The following CNTLN variants were observed in gnomAD, a reference collection of about 807,000 sequenced individuals.
CNTLN encodes the protein centlein, centrosomal protein.
A neutral mutation model predicts 180.0 loss-of-function variants in CNTLN; 212 were observed. The ratio of observed to expected loss-of-function variants is 1.18; its 90% CI spans 1.05 to 1.32. The LOEUF (loss-of-function observed/expected upper bound fraction) is 1.32, where lower values mean the gene tolerates loss of function less well. CNTLN is among the 40% of genes most tolerant of loss of function. The probability of loss-of-function intolerance (pLI) is 0.00; values close to 1 mark genes in which losing one functional copy is unlikely to be tolerated. For missense variants in CNTLN, 2,095 were observed against 1,610.9 expected, an observed-to-expected ratio of 1.30 and a Z score of -5.14; for synonymous variants, 722 against 563.1, an observed-to-expected ratio of 1.28 and a Z score of -3.99.
At chr9:17,381,787 C>G (rs932083819) in intron 13 of CNTLN, among the ~76,000 whole-genome samples, 1 of 152,188 alleles carries the variant, frequency 6.6e-6, no homozygotes, top group Non-Finnish European at 1.5e-5. Flanking sequence ...AGTGCTTCAC[C>G]TTGAGGCAAT....
intron 13 of CNTLN, among the ~76,000 whole-genome samples, chr9:17,376,455 T>A (rs10963071): frequency 0.56 from 84,707 of 150,942 alleles, 24,221 homozygotes; most frequent in East Asian, 0.73. Flanking sequence ...TTAAATTTTT[T>A]AATTTTTTTT....
At chr9:17,204,797 TC>T (rs1036244880) in intron 2 of CNTLN, among the ~76,000 whole-genome samples, 5 of 152,052 alleles carry the variant, frequency 3.3e-5, no homozygotes, top group African/African-American at 1.2e-4. Context: ...CAGCCGCCCC[TC>T]CCCCCAGGTG....
At chr9:17,138,752 T>G (rs555953397) in intron 1 of CNTLN, among the ~76,000 whole-genome samples, 1 of 152,344 alleles carries the variant, frequency 6.6e-6, no homozygotes, top group South Asian at 2.1e-4. Flanking sequence ...TTCAAGTGTT[T>G]GTTGAGTTCA....
At chr9:17,175,402 C>T (rs928959514) in intron 2 of CNTLN, among the ~76,000 whole-genome samples, 5 of 152,110 alleles carry the variant, frequency 3.3e-5, no homozygotes, top group Non-Finnish European at 5.9e-5. Context: ...TTAAAAGTAT[C>T]GTCCTCTTCC....
Position 17,457,649 on chromosome 9 carries a change from A to C in CNTLN, c.3240A>C (p.Gln1080His), listed in dbSNP as rs1276413744. The C allele has an allele frequency of 1.3e-6, 2 of 1,547,194 alleles. No homozygotes were observed. Among genetic ancestry groups the C allele is most frequent in the Non-Finnish European group, 1.7e-6 (2 of 1,144,210 alleles). The change falls in exon 19 of 26, where the codon CAA (glutamine) becomes CAC (histidine). Residue 1080 changes from glutamine to histidine, a missense_variant. By Grantham distance (24) the Gln-to-His change is conservative (BLOSUM62 0). Transcript: ENST00000380647. The part of the protein sequence containing the change: ...ENSQVTFPRI[Q>H]VTSLSPSRSM... ...CCCAGGTAACATTTCCACGGATACA[A>C]GTTACATCACTTAGTCCTTCAAGGA...
chr9:17,372,723 A>G (rs901035617), intron 13 of CNTLN, among the ~76,000 whole-genome samples: 8 of 152,060 alleles, frequency 5.3e-5, no homozygotes, highest in South Asian at 2.1e-4. Flanking sequence ...TGCAGAAAAA[A>G]CCTCTGCAAG....
rs1563982265 is a variant in CNTLN, at chr9:17,309,176, TA to T, written c.1269del (p.Glu424LysfsTer34). 6.2e-7 allele frequency: 1 copy of T among 1,610,376 alleles called. No individual in the cohort carries two copies. The highest frequency in any genetic ancestry group is 1.7e-5 in the Admixed American group (1 of 59,810). ...CAAAAAGAGCAAGAAAATGCTAAGT[TA>T]AAAGAAAAACTTCAGGAATCACAGG... ...LLQKEQENAK[L>X]KEKLQESQGA... On this transcript the variant is annotated frameshift_variant, in exon 8 of 26. Coordinates refer to ENST00000380647, the MANE Select transcript of CNTLN (RefSeq NM_017738.4). LOFTEE classifies it high-confidence loss of function.
intron 16 of CNTLN, among the ~76,000 whole-genome samples, chr9:17,410,506 C>G (rs1209622620): frequency 2.0e-5 from 3 of 152,074 alleles, no homozygotes; most frequent in Non-Finnish European, 2.9e-5. Context: ...TCTTTTCTCA[C>G]TGGAGTCTTC....
intron 8 of CNTLN, among the ~76,000 whole-genome samples, chr9:17,316,795 A>G (rs1408553243): frequency 1.3e-5 from 2 of 151,696 alleles, no homozygotes; most frequent in Non-Finnish European, 2.9e-5. Flanking sequence ...TTTACTATAT[A>G]TTTTTCAGTT....
intron 18 of CNTLN, among the ~76,000 whole-genome samples, chr9:17,456,107 G>C (rs2134148205): frequency 6.6e-6 from 1 of 152,242 alleles, no homozygotes; most frequent in East Asian, 1.9e-4. Flanking sequence ...GAATGAAAAT[G>C]AGAAACACTG....
intron 7 of CNTLN, among the ~76,000 whole-genome samples, chr9:17,306,534 A>C (rs1818729056): frequency 6.6e-6 from 1 of 152,216 alleles, no homozygotes; most frequent in Non-Finnish European, 1.5e-5. Flanking sequence ...GAATCGGCCT[A>C]AAGCCTTATA....
chr9:17,203,306 T>A (rs1822681371), intron 2 of CNTLN, among the ~76,000 whole-genome samples: 1 of 152,158 alleles, frequency 6.6e-6, no homozygotes, highest in Admixed American at 6.5e-5. Context: ...ATCTGACGGT[T>A]ATGTGTCTTG....
chr9:17,419,412 C>T (rs1042362369), intron 18 of CNTLN, among the ~76,000 whole-genome samples: 1 of 152,072 alleles, frequency 6.6e-6, no homozygotes, highest in Admixed American at 6.6e-5. Context: ...TCCGTTGCCA[C>T]AGGTGTAAAG....
In CNTLN at chr9:17,394,496, G is replaced by GT. The variant is rs1338416682; in HGVS notation, c.2080-33dup. 4 of 1,340,450 alleles carry GT rather than the reference G, an allele frequency of 3.0e-6. No homozygotes were observed. The African/African-American group carries it at 4.4e-5, about 15-fold the overall frequency. The allele number at this position is 1,340,450 out of a possible 1,614,324, so 83.0% of individuals were successfully genotyped here. On this transcript the variant is annotated intron_variant, in intron 14 of 25. Transcript: ENST00000380647. ...TGGTAATAAAGTATAGTAGATTATG[G>GT]TTTTTGGATTCTTAAAAGAATAAAC... is the stretch of plus-strand genomic sequence containing the variant.
chr9:17,384,878 G>A (rs955517988), intron 13 of CNTLN, among the ~76,000 whole-genome samples: 1 of 151,802 alleles, frequency 6.6e-6, no homozygotes. Flanking sequence ...ACTCCAATTG[G>A]GCAATTCAGT....
intron 2 of CNTLN, among the ~76,000 whole-genome samples, chr9:17,155,703 G>T (rs1819230656): frequency 6.6e-6 from 1 of 152,164 alleles, no homozygotes; most frequent in Non-Finnish European, 1.5e-5. Flanking sequence ...CTTGGGCTCA[G>T]TGGGGGTGGG....
At chr9:17,516,716 C>T in the CNTLN span, among the ~76,000 whole-genome samples, 1,175 of 152,268 alleles carry the variant, frequency 7.7e-3, 14 homozygotes, top group South Asian at 0.026. Flanking sequence ...ATGGCCAGCT[C>T]TCACATAGAC....
intron 5 of CNTLN, among the ~76,000 whole-genome samples, chr9:17,253,575 A>G (rs1468674340): frequency 6.6e-6 from 1 of 151,234 alleles, no homozygotes; most frequent in African/African-American, 2.4e-5. Flanking sequence ...CTATTTCATT[A>G]CTAATGTATG....
At position 17,394,552 on chromosome 9, in the gene CNTLN, C is replaced by G; in HGVS notation, c.2098C>G (p.Arg700Gly). 1 of 1,575,342 alleles carries G rather than the reference C, an allele frequency of 6.3e-7. No individual in the cohort carries two copies. The highest frequency in any genetic ancestry group is 2.2e-5 in the East Asian group (1 of 44,620). Residue 700 changes from arginine (R) to glycine (G), a missense_variant, in exon 15 of 26, where the codon CGG (arginine) becomes GGG (glycine). Transcript: ENST00000380647. Reference protein sequence around the residue: ...TLQKVTELENRLKSFEKRSRK... With the variant: ...TLQKVTELENGLKSFEKRSRK... ...CCTTTAGGTCACTGAGTTGGAAAAT[C>G]GGCTGAAATCTTTTGAGAAAAGGTC... is the stretch of plus-strand genomic sequence containing the variant.
Sources: gnomAD v4.1 joint callset for allele counts (sites outside exome capture counted in the v4.1 genomes callset) on GRCh38, gnomAD v4.1.1 for gene constraint, MANE v1.5 for transcripts, NCBI Gene and HGNC (gene_info 2026-07-23, HGNC 2026-07-21) for gene names.